SRGAP3: variants seen among roughly 807,000 people sequenced by gnomAD.
SRGAP3 encodes the protein SLIT-ROBO Rho GTPase activating protein 3.
A neutral mutation model predicts 121.1 loss-of-function variants in SRGAP3; 39 were observed. The ratio of observed to expected loss-of-function variants is 0.32; its 90% CI spans 0.25 to 0.42. The LOEUF is 0.42. Ranked by LOEUF, SRGAP3 falls within the 10% of genes least tolerant of loss-of-function variation. SRGAP3 has a pLI of 1.00. For synonymous variants in SRGAP3, 601 were observed against 570.0 expected (o/e 1.05, Z -0.77); for missense variants, 1,213 against 1,470.6 (o/e 0.82, Z 2.86).
At chr3:9,064,312 GAAGGCT>G in intron 5 of SRGAP3, 78 bp downstream of exon 5, 1 of 1,582,498 alleles carries the variant, frequency 6.3e-7, no homozygotes, top group Non-Finnish European at 8.6e-7. Context: ...GAATAAGGGG[GAAGGCT>G]AAGGCTGTCC....
chr3:9,085,029 T>C (rs1646606615), intron 3 of SRGAP3, among the ~76,000 whole-genome samples: 1 of 152,234 alleles, frequency 6.6e-6, no homozygotes, highest in Non-Finnish European at 1.5e-5. Context: ...ATGAGCACCT[T>C]GTTATGTCTT....
At chr3:9,074,456 C>T (rs1398900870) in intron 4 of SRGAP3, among the ~76,000 whole-genome samples, 3 of 152,228 alleles carry the variant, frequency 2.0e-5, no homozygotes, top group Admixed American at 1.3e-4. Context: ...TGTGCTCTTC[C>T]AGCACGCAGG....
chr3:9,278,282 G>A (rs1379189050), intron 3 of SRGAP3, among the ~76,000 whole-genome samples: 3 of 152,146 alleles, frequency 2.0e-5, no homozygotes, highest in African/African-American at 4.8e-5. Context: ...AGATATGCAC[G>A]GGTCAAGACT....
chr3:9,152,582 G>T (rs1443228591), intron 1 of SRGAP3, among the ~76,000 whole-genome samples: 1 of 152,234 alleles, frequency 6.6e-6, no homozygotes, highest in African/African-American at 2.4e-5. Flanking sequence ...GGAGCAGACA[G>T]AAGCAGAGAC....
At chr3:9,060,171 G>A in intron 6 of SRGAP3, 60 bp downstream of exon 6, 1 of 1,612,618 alleles carries the variant, frequency 6.2e-7, no homozygotes, top group Non-Finnish European at 8.5e-7. Context: ...CCTTCAGCCA[G>A]TGACATGTGC....
chr3:9,098,397 G>A (rs1422401237), intron 3 of SRGAP3, among the ~76,000 whole-genome samples: 1 of 152,098 alleles, frequency 6.6e-6, no homozygotes, highest in Non-Finnish European at 1.5e-5. Context: ...TCAACCTCCC[G>A]AGTAGCTGGG....
At chr3:9,295,456 C>T (rs1954936549) in intron 3 of SRGAP3, among the ~76,000 whole-genome samples, 1 of 152,148 alleles carries the variant, frequency 6.6e-6, no homozygotes, top group Admixed American at 6.5e-5. Flanking sequence ...ATGCAAAATA[C>T]ATTTCAGGGG....
intron 3 of SRGAP3, among the ~76,000 whole-genome samples, chr3:9,309,436 G>A (rs558740054): frequency 1.3e-5 from 2 of 152,248 alleles, no homozygotes; most frequent in East Asian, 1.9e-4. Flanking sequence ...TGCTCGGTTT[G>A]ATTGCCATAC....
intron 1 of SRGAP3, among the ~76,000 whole-genome samples, chr3:9,208,533 GAA>G (rs1952341117): frequency 6.6e-6 from 1 of 152,218 alleles, no homozygotes; most frequent in Admixed American, 6.5e-5. Flanking sequence ...CTCATTACAA[GAA>G]AAGAGTTTGG....
chr3:8,995,598 G>A (rs1475736306), intron 18 of SRGAP3, among the ~76,000 whole-genome samples: 1 of 152,200 alleles, frequency 6.6e-6, no homozygotes, highest in Non-Finnish European at 1.5e-5. Flanking sequence ...TGGCCTATGG[G>A]ATGCGTCCAG....
At position 9,124,937 on chromosome 3, in the gene SRGAP3, G is replaced by A; in HGVS notation, c.68-20C>T. The A allele has an allele frequency of 1.2e-6, 2 of 1,613,668 alleles. No homozygotes were observed. Among genetic ancestry groups the A allele is most frequent in the Non-Finnish European group, 1.7e-6 (2 of 1,180,032 alleles). On this transcript the variant is annotated intron_variant, in intron 1 of 21. Coordinates refer to ENST00000383836, the MANE Select transcript of SRGAP3 (RefSeq NM_014850.4). ...GGATCTCTGCGGGCACACAAGGGTA[G>A]GAGCATGAGACTGGTGGTGGGGACG...
chr3:9,343,298 G>A (rs139924172), intron 1 of SRGAP3, among the ~76,000 whole-genome samples: 28 of 152,294 alleles, frequency 1.8e-4, no homozygotes, highest in African/African-American at 4.3e-4. Context: ...TGAAGGTGTG[G>A]TATGTGTTTA....
intron 7 of SRGAP3, among the ~76,000 whole-genome samples, 171 bp downstream of exon 7, chr3:9,058,080 A>C (rs985715439): frequency 6.6e-6 from 1 of 152,204 alleles, no homozygotes; most frequent in Non-Finnish European, 1.5e-5. Context: ...TGAGACAGCA[A>C]GATGAGGGTA....
At chr3:9,191,810 C>T (rs1574842855) in intron 1 of SRGAP3, among the ~76,000 whole-genome samples, 1 of 152,254 alleles carries the variant, frequency 6.6e-6, no homozygotes, top group African/African-American at 2.4e-5. Flanking sequence ...ATGATTAGCA[C>T]CATCCCCCTT....
intron 1 of SRGAP3, chr3:9,362,791 G>A (rs558712212): frequency 2.0e-5 from 3 of 152,306 alleles, no homozygotes; most frequent in Non-Finnish European, 4.4e-5. Context: ...ATAGGTGCTA[G>A]AACAAAAGAG....
At chr3:9,169,186 G>A (rs1036921299) in intron 1 of SRGAP3, among the ~76,000 whole-genome samples, 1 of 152,114 alleles carries the variant, frequency 6.6e-6, no homozygotes, top group Non-Finnish European at 1.5e-5. Context: ...TACAATATTG[G>A]GGAGCATGAA....
At chr3:9,318,737 G>C (rs1254012014) in intron 3 of SRGAP3, among the ~76,000 whole-genome samples, 6 of 151,486 alleles carry the variant, frequency 4.0e-5, no homozygotes, top group Admixed American at 2.0e-4. Context: ...TAAATAGCCA[G>C]GCATAGCAGC....
chr3:9,202,932 A>T (rs1952118803), intron 1 of SRGAP3, among the ~76,000 whole-genome samples: 2 of 152,160 alleles, frequency 1.3e-5, no homozygotes, highest in African/African-American at 4.8e-5. Context: ...GGTTGATGGG[A>T]GGGCATAAAA....
rs1953924628 is a variant in SRGAP3 at position 9,249,068 on chromosome 3, A to C, written c.-117T>G. 1 of 1,003,172 alleles carries C rather than the reference A, an allele frequency of 1.0e-6. No individual in the cohort carries two copies. Among genetic ancestry groups the C allele is most frequent in the Non-Finnish European group, 1.6e-6 (1 of 639,032 alleles). The allele number at this position is 1,003,172 out of a possible 1,614,324, so 62.1% of individuals were successfully genotyped here. On this transcript the variant is annotated 5_prime_UTR_variant, in exon 1 of 22. Transcript: ENST00000383836. ...TCTGGTCGATTTCACAGGTTTAGGGACTAATCTCTTTCACTTGGCTGCAGA... is the reference window on the plus strand; with the variant it reads ...TCTGGTCGATTTCACAGGTTTAGGGCCTAATCTCTTTCACTTGGCTGCAGA...
Sources: allele counts gnomAD v4.1 joint callset (sites outside exome capture counted in the v4.1 genomes callset), GRCh38; gene constraint gnomAD v4.1.1; transcripts MANE v1.5; gene names NCBI Gene and HGNC (gene_info 2026-07-23, HGNC 2026-07-21).